The following IRAK3 variants were observed in gnomAD, a reference collection of about 807,000 sequenced individuals.
IRAK3 encodes interleukin-1 receptor-associated kinase 3.
IRAK3 carries 57 observed loss-of-function variants against 56.6 expected under a neutral mutation model. The observed-to-expected ratio is 1.01, with a 90% CI of 0.81 to 1.26. The LOEUF is 1.26. Ranked by LOEUF, IRAK3 falls within the 50% of genes most tolerant of loss-of-function variation. The pLI is 0.00. For missense variants in IRAK3, 703 were observed against 719.0 expected (o/e 0.98, Z 0.25); for synonymous variants, 258 against 255.7 (o/e 1.01, Z -0.09).
At chr12:66,247,660 CTTAAT>C in intron 11 of IRAK3, 30 bp from the exon 12 acceptor site, 1 of 1,299,388 alleles carries the variant, frequency 7.7e-7, no homozygotes, top group Non-Finnish European at 1.1e-6. Context: ...ATTATTCAAA[CTTAAT>C]TTAATGTCTG....
At position 66,245,399 on chromosome 12, in the gene IRAK3, G is replaced by A; in HGVS notation, c.1314+137G>A. 3 of 913,052 alleles carry A rather than the reference G, an allele frequency of 3.3e-6. No individual in the cohort carries two copies. The South Asian group carries it at 4.6e-5, about 14-fold the overall frequency. The allele number at this position is 913,052 out of a possible 1,614,324, so 56.6% of individuals were successfully genotyped here. A position where few individuals can be genotyped will look rare whatever the true frequency, so the allele number is the denominator to read the frequency against. On this transcript the variant is annotated intron_variant, in intron 11 of 11. Transcript: ENST00000261233. ...TCCAACAGAGAATTCCAACATAATA[G>A]TGTTTCCAGGTCAAAAAGCCACATC...
chr12:66,244,676 T>C lies in IRAK3; in HGVS notation c.1078T>C (p.Phe360Leu). 6.2e-7 allele frequency: 1 copy of C among 1,613,134 alleles called. No individual in the cohort carries two copies. The highest frequency in any genetic ancestry group is 1.1e-5 in the South Asian group (1 of 91,064). The change falls in exon 9 of 12, where the codon TTT becomes CTT. Residue 360 changes from phenylalanine (F) to leucine (L), a missense_variant. Transcript: ENST00000261233. ...KLSIKTDVYS[F>L]GIVIMEVLTG... ...TTCCATTAAAACAGATGTCTACAGC[T>C]TTGGAATTGTGAGTACCAACTGCCA...
At chr12:66,215,952 T>C (rs1348635889) in intron 5 of IRAK3, among the ~76,000 whole-genome samples, 1 of 152,180 alleles carries the variant, frequency 6.6e-6, no homozygotes, top group Non-Finnish European at 1.5e-5. Context: ...GGTGGGAAAT[T>C]GTACTAGGTG....
chr12:66,196,687 T>C (rs2052456228), intron 1 of IRAK3, among the ~76,000 whole-genome samples: 1 of 152,192 alleles, frequency 6.6e-6, no homozygotes, highest in African/African-American at 2.4e-5. Flanking sequence ...CTATTTCTTA[T>C]AAAATATATT....
intron 2 of IRAK3, among the ~76,000 whole-genome samples, chr12:66,206,900 A>G (rs1466854658): frequency 1.3e-5 from 2 of 152,184 alleles, no homozygotes; most frequent in East Asian, 3.8e-4. Flanking sequence ...GAGTCCATGT[A>G]TATTGTTTAT....
chr12:66,193,278 G>C (rs1258182090), intron 1 of IRAK3, among the ~76,000 whole-genome samples: 2 of 152,126 alleles, frequency 1.3e-5, no homozygotes, highest in Non-Finnish European at 2.9e-5. Flanking sequence ...CTCCTAAAGT[G>C]CTGGGATTAC....
intron 8 of IRAK3, chr12:66,234,647 G>A: frequency 6.2e-7 from 1 of 1,611,564 alleles, no homozygotes; most frequent in South Asian, 1.1e-5. Flanking sequence ...TAAAGGTTCT[G>A]TGGGGGCAGA....
intron 6 of IRAK3, among the ~76,000 whole-genome samples, chr12:66,222,891 A>G (rs2052748714): frequency 6.6e-6 from 1 of 152,192 alleles, no homozygotes; most frequent in Non-Finnish European, 1.5e-5. Context: ...TGTGAGCAAT[A>G]AAGCTTTTTA....
chr12:66,242,265 C>G (rs934023394), intron 8 of IRAK3, among the ~76,000 whole-genome samples: 4 of 152,132 alleles, frequency 2.6e-5, no homozygotes, highest in Non-Finnish European at 4.4e-5. Flanking sequence ...CCTGGCCCAC[C>G]GGCAAACTCC....
chr12:66,212,778 C>G (rs1473884609), intron 5 of IRAK3, among the ~76,000 whole-genome samples: 3 of 151,990 alleles, frequency 2.0e-5, no homozygotes, highest in African/African-American at 7.3e-5. Context: ...AACACAGGAA[C>G]AGGAAACCAA....
intron 8 of IRAK3, among the ~76,000 whole-genome samples, chr12:66,241,165 G>T (rs991554696): frequency 6.6e-6 from 1 of 152,058 alleles, no homozygotes. Flanking sequence ...CATCTGTGTA[G>T]GATTCTCCAT....
chr12:66,217,056 C>T (rs1023273653), intron 5 of IRAK3, 115 bp from the exon 6 acceptor site: 1 of 772,320 alleles, frequency 1.3e-6, no homozygotes, highest in South Asian at 1.4e-5. Flanking sequence ...GAAAAGTGTT[C>T]ATATGTGTTT....
At chr12:66,204,096 ATTTC>A (rs1224510623) in intron 2 of IRAK3, among the ~76,000 whole-genome samples, 5 of 151,900 alleles carry the variant, frequency 3.3e-5, no homozygotes, top group African/African-American at 7.3e-5. Flanking sequence ...TATACAACAT[ATTTC>A]TTTCTATCAC....
chr12:66,196,093 C>T (rs1391347575), intron 1 of IRAK3, among the ~76,000 whole-genome samples: 1 of 151,216 alleles, frequency 6.6e-6, no homozygotes, highest in Non-Finnish European at 1.5e-5. Context: ...ATAAAATAAA[C>T]TATATATATA....
At chr12:66,235,308 G>A in intron 8 of IRAK3, 1 of 1,241,502 alleles carries the variant, frequency 8.1e-7, no homozygotes, top group Non-Finnish European at 1.0e-6. Context: ...CGCGGCGGCG[G>A]GCGCGGGCGC....
intron 8 of IRAK3, among the ~76,000 whole-genome samples, chr12:66,238,193 C>T (rs373377612): frequency 6.6e-6 from 1 of 152,188 alleles, no homozygotes; most frequent in Non-Finnish European, 1.5e-5. Context: ...GAGGCCAAGA[C>T]AGCAGAAAGC....
intron 1 of IRAK3, among the ~76,000 whole-genome samples, chr12:66,194,817 A>C (rs1461452245): frequency 7.9e-6 from 1 of 127,310 alleles, no homozygotes. Context: ...CGACAGAGCG[A>C]GACTCCTCTC....
At chr12:66,230,846 T>C (rs73327332) in intron 8 of IRAK3, among the ~76,000 whole-genome samples, 11,291 of 152,208 alleles carry the variant, frequency 0.074, 1,171 homozygotes, top group African/African-American at 0.23. Flanking sequence ...CTCCCATCCT[T>C]TTCTCTTAGC....
At chr12:66,245,671 AT>A (rs5798812) in intron 11 of IRAK3, among the ~76,000 whole-genome samples, 147,919 of 151,318 alleles carry the variant, frequency 0.98, 72,384 homozygotes, top group Middle Eastern at 1. Context: ...AGCTGGGATT[AT>A]TAGGCACGAG....
Sources: gnomAD v4.1 joint callset for allele counts (sites outside exome capture counted in the v4.1 genomes callset) on GRCh38, gnomAD v4.1.1 for gene constraint, MANE v1.5 for transcripts, NCBI Gene and HGNC (gene_info 2026-07-23, HGNC 2026-07-21) for gene names.